The following FBXO46 variants were observed in gnomAD, a reference collection of about 807,000 sequenced individuals.
FBXO46 encodes the protein F-box protein 46, also known as F-box only protein 46.
Under a neutral mutation model 30.7 loss-of-function variants are expected in FBXO46, and 13 were observed. That is an observed-to-expected ratio of 0.42 (90% CI 0.28 to 0.67). FBXO46 has a LOEUF of 0.67. Ranked by LOEUF, FBXO46 falls within the 30% of genes least tolerant of loss-of-function variation. FBXO46 has a pLI of 0.21. For synonymous variants in FBXO46, 467 were observed against 385.8 expected, an observed-to-expected ratio of 1.21 and a Z score of -2.47; for missense variants, 754 against 871.5, an observed-to-expected ratio of 0.87 and a Z score of 1.70.
Position 45,713,032 on chromosome 19 carries a change from G to T in FBXO46, c.464C>A (p.Ala155Asp), listed in dbSNP as rs1202485298. The T allele has an allele frequency of 6.4e-7, 1 of 1,558,216 alleles. No homozygotes were observed. The highest frequency in any genetic ancestry group is 8.7e-7 in the Non-Finnish European group (1 of 1,154,018). Reference protein sequence around the residue: ...PDPGGREGPPAAEEGPASAGE... With the variant: ...PDPGGREGPPDAEEGPASAGE... ...GGCTGAGGCGGGGCCCTCCTCAGCA[G>T]CAGGGGGGCCCTCCCGGCCCCCTGG... Residue 155 changes from alanine to aspartate, a missense_variant, in exon 2 of 2, where the codon GCT (alanine) becomes GAT (aspartate). Coordinates refer to ENST00000317683, the MANE Select transcript of FBXO46 (RefSeq NM_001080469.2). The surrounding 1 kb of genome is among the most constrained non-coding windows in gnomAD (Gnocchi z 4.7).
intron 1 of FBXO46, among the ~76,000 whole-genome samples, chr19:45,724,690 G>A (rs773514129): frequency 5.3e-5 from 8 of 152,224 alleles, no homozygotes; most frequent in South Asian, 2.1e-4. Context: ...AGGCCTGCTC[G>A]TTACCCAGGC....
chr19:45,722,768 A>G (rs1968190352), intron 1 of FBXO46, among the ~76,000 whole-genome samples: 1 of 151,290 alleles, frequency 6.6e-6, no homozygotes, highest in African/African-American at 2.4e-5. Flanking sequence ...TCTCAAAAAA[A>G]AAAAAAAGTG....
Position 45,712,474 on chromosome 19 carries a change from G to A in FBXO46, c.1022C>T (p.Pro341Leu). ...DEASEGDSPA[P>L]ARPEDTPPAP... ...CGGGGGAGTGTCCTCAGGCCTGGCG[G>A]GTGCCGGGCTGTCACCCTCACTGGC... Residue 341 changes from proline to leucine, a missense_variant, in exon 2 of 2, where the codon CCC becomes CTC. Coordinates refer to ENST00000317683, the MANE Select transcript of FBXO46 (RefSeq NM_001080469.2). This position sits in a 1 kb window ranked among gnomAD's most constrained non-coding sequence, Gnocchi z 8.8. 1 of 1,607,984 alleles carries A rather than the reference G, an allele frequency of 6.2e-7. No individual in the cohort carries two copies. The highest frequency in any genetic ancestry group is 8.5e-7 in the Non-Finnish European group (1 of 1,177,040).
rs1301765613 is a variant in FBXO46 at position 45,710,780 on chromosome 19, C to T, written c.*904G>A. 1 of 152,592 alleles carries T rather than the reference C, an allele frequency of 6.6e-6. No individual in the cohort carries two copies. Among genetic ancestry groups the T allele is most frequent in the African/African-American group, 2.4e-5 (1 of 41,454 alleles). The allele number at this position is 152,592 out of a possible 1,614,324, so 9.5% of individuals were successfully genotyped here. A position where few individuals can be genotyped will look rare whatever the true frequency, so the allele number is the denominator to read the frequency against. On this transcript the variant is annotated 3_prime_UTR_variant, in exon 2 of 2. Transcript: ENST00000317683. ...CCCCAGACCAAAATGCCTGAAAAAT[C>T]AAGGTCCTGGTTGACCAAAGGATTC...
rs558196108 is a variant in FBXO46 at position 45,711,225 on chromosome 19, T to G, written c.*459A>C. The G allele has an allele frequency of 2.4e-6, 1 of 424,772 alleles. No individual in the cohort carries two copies. Among genetic ancestry groups the G allele is most frequent in the Admixed American group, 3.2e-5 (1 of 31,080 alleles). The allele number at this position is 424,772 out of a possible 1,614,324, so 26.3% of individuals were successfully genotyped here. A position where few individuals can be genotyped will look rare whatever the true frequency, so the allele number is the denominator to read the frequency against. On this transcript the variant is annotated 3_prime_UTR_variant, in exon 2 of 2. Coordinates refer to ENST00000317683, the MANE Select transcript of FBXO46 (RefSeq NM_001080469.2). The stretch of plus-strand genomic sequence containing the variant: ...GAGGTGAGAGCTGTCGTGTGGCAGG[T>G]TAGGAGAGGTGCCAACCTTGGGCGA...
upstream of FBXO46, among the ~76,000 whole-genome samples, chr19:45,731,908 G>A (rs1358221112): frequency 1.3e-5 from 2 of 151,672 alleles, no homozygotes; most frequent in African/African-American, 2.4e-5. Context: ...ACAAGGTCAG[G>A]AGATCAAGAC....
intron 1 of FBXO46, chr19:45,716,957 T>C (rs529189545): frequency 2.0e-5 from 3 of 152,162 alleles, no homozygotes; most frequent in South Asian, 4.1e-4. Context: ...TCGGGCTCTT[T>C]GCTTCTGTCT....
rs759915398 is a variant in FBXO46 at position 45,712,739 on chromosome 19, C to T, written c.757G>A (p.Gly253Arg). 2.5e-6 allele frequency: 4 copies of T among 1,611,706 alleles called. No individual in the cohort carries two copies. The highest frequency in any genetic ancestry group is 3.3e-5 in the Admixed American group (2 of 59,832). Residue 253 changes from glycine to arginine, a missense_variant, in exon 2 of 2, where the codon GGG becomes AGG. Gly to Arg is a moderately radical substitution (Grantham distance 125). Around this residue, in one of 5 missense-constraint regions of FBXO46, gnomAD observed 454 missense variants for 426.5 expected, o/e 1.06. Transcript: ENST00000317683. This position sits in a 1 kb window ranked among gnomAD's most constrained non-coding sequence, Gnocchi z 8.8. ...TKGLRKEERP[G>R]PGPGEVRIAF... ...ATGCGCACCTCCCCAGGGCCTGGCC[C>T]GGGCCGCTCTTCCTTGCGGAGGCCC...
chr19:45,724,630 G>T (rs968154904), intron 1 of FBXO46, among the ~76,000 whole-genome samples: 1 of 151,940 alleles, frequency 6.6e-6, no homozygotes. Context: ...AATATAGCAA[G>T]ACCCTGTCTC....
chr19:45,713,609 G>C lies in FBXO46; in HGVS notation c.-78-36C>G, dbSNP rs551948145. ...GAAGAGGAGGTTGGGGAGCTAGGGG[G>C]ACAGCCTTTCTTCCCAGGACCACCC... On this transcript the variant is annotated intron_variant, in intron 1 of 1. Coordinates refer to ENST00000317683, the MANE Select transcript of FBXO46 (RefSeq NM_001080469.2). The surrounding 1 kb of genome is among the most constrained non-coding windows in gnomAD (Gnocchi z 4.7). 8.1e-5 allele frequency: 71 copies of C among 873,390 alleles called. 2 individuals carry two copies. The South Asian group carries it at 1.2e-3, about 15-fold the overall frequency. The allele number at this position is 873,390 out of a possible 1,614,324, so 54.1% of individuals were successfully genotyped here.
chr19:45,724,220 T>C lies in FBXO46; in HGVS notation c.-79+6629A>G, dbSNP rs528084324. Among the ~76,000 whole-genome samples, 9 of 152,136 alleles carry C rather than the reference T, an allele frequency of 5.9e-5. No individual in the cohort carries two copies. The South Asian group carries it at 8.3e-4, about 14-fold the overall frequency. ...CCCCAGGGTGGCCAGATGTGACACA[T>C]AGGATCAGGGACAAGTGAGAGACTG... On this transcript the variant is annotated intron_variant, in intron 1 of 1. Coordinates refer to ENST00000317683, the MANE Select transcript of FBXO46 (RefSeq NM_001080469.2).
chr19:45,725,628 G>T (rs1004018816), intron 1 of FBXO46, among the ~76,000 whole-genome samples: 4 of 152,056 alleles, frequency 2.6e-5, no homozygotes, highest in Non-Finnish European at 5.9e-5. Flanking sequence ...CAGCTACTTG[G>T]AAGGCTGAGG....
chr19:45,724,896 G>A (rs1174417961), intron 1 of FBXO46, among the ~76,000 whole-genome samples: 1 of 152,074 alleles, frequency 6.6e-6, no homozygotes, highest in Non-Finnish European at 1.5e-5. Flanking sequence ...CAAGAGATCT[G>A]CCCATGTAGG....
At chr19:45,725,458 G>A (rs965232950) in intron 1 of FBXO46, among the ~76,000 whole-genome samples, 5 of 151,834 alleles carry the variant, frequency 3.3e-5, no homozygotes, top group Admixed American at 6.6e-5. Context: ...AACACTTGTG[G>A]GCCAGGTGCG....
At chr19:45,733,092 GA>G (rs1407077688), upstream of FBXO46, among the ~76,000 whole-genome samples, 1 of 152,142 alleles carries the variant, frequency 6.6e-6, no homozygotes, top group African/African-American at 2.4e-5. This position sits in a 1 kb window ranked among gnomAD's most constrained non-coding sequence, Gnocchi z 5.7. Flanking sequence ...CATAGGGCCA[GA>G]AGGGACACAG....
Position 45,712,833 on chromosome 19 carries a change from A to G in FBXO46, c.663T>C (p.Gly221=). The change falls in exon 2 of 2, where the codon GGT becomes GGC. Residue 221 remains glycine (G), a synonymous_variant. Transcript: ENST00000317683. This position sits in a 1 kb window ranked among gnomAD's most constrained non-coding sequence, Gnocchi z 8.8. Reference sequence around the variant, plus strand: ...CCTCGGCTACACGGCTGCAGTCCCCACCACCGGACCGCCGTTCAGATCCCA... The same window carrying G: ...CCTCGGCTACACGGCTGCAGTCCCCGCCACCGGACCGCCGTTCAGATCCCA... ...KGVGSERRSG[G]GDCSRVAEAV... is the part of the protein sequence containing the mutation. The G allele has an allele frequency of 1.9e-6, 3 of 1,612,786 alleles. No individual in the cohort carries two copies. The highest frequency in any genetic ancestry group is 2.5e-6 in the Non-Finnish European group (3 of 1,179,600).
chr19:45,711,510 G>T lies in FBXO46; in HGVS notation c.*174C>A. Reference sequence around the variant, plus strand: ...GTTCTGAAGAGTAGAAAATCAACAGGATCAAGCAGAGGGCTTTCCTGGGTC... The same window carrying T: ...GTTCTGAAGAGTAGAAAATCAACAGTATCAAGCAGAGGGCTTTCCTGGGTC... On this transcript the variant is annotated 3_prime_UTR_variant, in exon 2 of 2. Coordinates refer to ENST00000317683, the MANE Select transcript of FBXO46 (RefSeq NM_001080469.2). 1 of 705,576 alleles carries T rather than the reference G, an allele frequency of 1.4e-6. No individual in the cohort carries two copies. The highest frequency in any genetic ancestry group is 2.3e-4 in the Middle Eastern group (1 of 4,364). The allele number at this position is 705,576 out of a possible 1,614,324, so 43.7% of individuals were successfully genotyped here. A position where few individuals can be genotyped will look rare whatever the true frequency, so the allele number is the denominator to read the frequency against.
At chr19:45,720,057 T>G (rs1320537610) in intron 1 of FBXO46, among the ~76,000 whole-genome samples, 1 of 152,116 alleles carries the variant, frequency 6.6e-6, no homozygotes, top group Non-Finnish European at 1.5e-5. Flanking sequence ...CAGGCTGGAG[T>G]GCAATCTCGC....
intron 1 of FBXO46, among the ~76,000 whole-genome samples, chr19:45,728,325 G>C (rs1044179427): frequency 1.3e-5 from 2 of 152,162 alleles, no homozygotes; most frequent in Non-Finnish European, 2.9e-5. Context: ...AGAGAGAAAG[G>C]AGACAGCCTG....
Sources: allele counts gnomAD v4.1 joint callset (sites outside exome capture counted in the v4.1 genomes callset), GRCh38; gene constraint gnomAD v4.1.1; regional missense constraint gnomAD v4.1.1; non-coding constraint Gnocchi (gnomAD v3.1); transcripts MANE v1.5; gene names NCBI Gene and HGNC (gene_info 2026-07-23, HGNC 2026-07-21).